The following PDILT variants were observed in gnomAD, a reference collection of about 807,000 sequenced individuals.
PDILT encodes the protein protein disulfide-isomerase-like protein of the testis.
Under a neutral mutation model 53.7 loss-of-function variants are expected in PDILT, and 43 were observed. That is an observed-to-expected ratio of 0.80 (90% CI 0.63 to 1.03). PDILT has a LOEUF of 1.03. Among genes scored for constraint, PDILT ranks in the 50% least tolerant of loss-of-function variants. The probability of loss-of-function intolerance (pLI) is 0.00; values close to 1 mark genes in which losing one functional copy is unlikely to be tolerated. For synonymous variants in PDILT, 282 were observed against 274.2 expected, an observed-to-expected ratio of 1.03 and a Z score of -0.28; for missense variants, 727 against 712.3, an observed-to-expected ratio of 1.02 and a Z score of -0.24.
rs540526043 is a variant in PDILT at position 20,402,361 on chromosome 16, C to T, written c.-8+2135G>A. Reference sequence around the variant, plus strand: ...TCGCCCAGGCTGCAATGCAGTGGCGCGATCTCGGCTCTCTGCAACCTGCGT... The same window carrying T: ...TCGCCCAGGCTGCAATGCAGTGGCGTGATCTCGGCTCTCTGCAACCTGCGT... On this transcript the variant is annotated intron_variant, in intron 1 of 11. Transcript: ENST00000302451. Among the ~76,000 whole-genome samples the T allele has an allele frequency of 5.3e-5, 8 of 150,362 alleles. No homozygotes were observed. In the South Asian group the frequency reaches 6.3e-4, roughly 12 times the overall value.
rs988313494 is a variant in PDILT at position 20,363,781 on chromosome 16, A to T, written c.1238-1199T>A. Reference sequence around the variant, plus strand: ...GAGGAGAACATCCCCAAGAAGTGTGACAGGTATAATTACTCTTGGACAGGG... The same window carrying T: ...GAGGAGAACATCCCCAAGAAGTGTGTCAGGTATAATTACTCTTGGACAGGG... On this transcript the variant is annotated intron_variant, in intron 9 of 11. Transcript: ENST00000302451. Among the ~76,000 whole-genome samples the T allele has an allele frequency of 2.0e-5, 3 of 152,138 alleles. No individual in the cohort carries two copies. In the East Asian group the frequency reaches 5.8e-4, roughly 29 times the overall value.
chr16:20,399,204 T>C lies in PDILT; in HGVS notation c.97A>G (p.Ile33Val), dbSNP rs755543935. The C allele has an allele frequency of 9.3e-6, 15 of 1,614,062 alleles. No homozygotes were observed. In the East Asian group the frequency reaches 2.7e-4, roughly 29 times the overall value. ...TCCAGGATGTGCACAGGCTTGGTTA[T>C]GTGGATGCTGGAAACACCGGCGTTA... ...EVNAGVSSIH[I>V]TKPVHILEER... Residue 33 changes from isoleucine (I) to valine (V), a missense_variant, in exon 2 of 12, where the codon ATA becomes GTA. Transcript: ENST00000302451.
intron 2 of PDILT, among the ~76,000 whole-genome samples, chr16:20,391,936 C>T (rs780877331): frequency 2.0e-5 from 3 of 151,380 alleles, no homozygotes; most frequent in Non-Finnish European, 4.4e-5. Context: ...GAGGCTGTAG[C>T]TGTGGGCTAG....
chr16:20,362,655 C>A (rs2141699059), intron 9 of PDILT, 73 bp from the exon 10 acceptor site: 1 of 1,445,030 alleles, frequency 6.9e-7, no homozygotes, highest in Admixed American at 1.8e-5. Flanking sequence ...CTACACATGG[C>A]ATCGCTGTGT....
intron 3 of PDILT, 99 bp from the exon 4 acceptor site, chr16:20,376,300 T>C: frequency 6.9e-7 from 1 of 1,446,514 alleles, no homozygotes; most frequent in Non-Finnish European, 9.3e-7. Flanking sequence ...AACCTTCTTG[T>C]CTCAGGCTCC....
intron 2 of PDILT, among the ~76,000 whole-genome samples, chr16:20,397,682 T>C (rs1431069274): frequency 6.6e-6 from 1 of 152,084 alleles, no homozygotes; most frequent in African/African-American, 2.4e-5. Flanking sequence ...GAAAGGGCTG[T>C]CTCAGAACAA....
intron 3 of PDILT, among the ~76,000 whole-genome samples, chr16:20,379,712 G>A (rs888427888): frequency 1.3e-5 from 2 of 152,214 alleles, no homozygotes; most frequent in African/African-American, 4.8e-5. Flanking sequence ...GGTCATAGCA[G>A]ATGCCATGTT....
chr16:20,395,377 C>A (rs1596597992), intron 2 of PDILT, among the ~76,000 whole-genome samples: 1 of 152,040 alleles, frequency 6.6e-6, no homozygotes, highest in East Asian at 1.9e-4. Flanking sequence ...GTATTTTATC[C>A]CTTTGTTGTT....
intron 1 of PDILT, among the ~76,000 whole-genome samples, chr16:20,401,327 T>C (rs952330068): frequency 1.3e-5 from 2 of 152,240 alleles, no homozygotes; most frequent in Admixed American, 1.3e-4. Context: ...CTTCCTTGTT[T>C]ATTTGTTCTT....
chr16:20,360,196 G>A (rs977017674), intron 11 of PDILT, among the ~76,000 whole-genome samples: 1 of 152,178 alleles, frequency 6.6e-6, no homozygotes, highest in Non-Finnish European at 1.5e-5. Context: ...GTCCAGCAGA[G>A]GGCCTCACTG....
intron 4 of PDILT, among the ~76,000 whole-genome samples, chr16:20,375,290 T>A (rs1331238558): frequency 1.3e-5 from 2 of 152,216 alleles, no homozygotes; most frequent in Non-Finnish European, 2.9e-5. Context: ...TTTTACCACA[T>A]GTAATACAAA....
At chr16:20,393,521 G>T (rs1266331267) in intron 2 of PDILT, among the ~76,000 whole-genome samples, 1 of 152,214 alleles carries the variant, frequency 6.6e-6, no homozygotes, top group African/African-American at 2.4e-5. Context: ...AGAAAAAGAA[G>T]GTGATTCATG....
At position 20,360,677 on chromosome 16, in the gene PDILT, G is replaced by A; in HGVS notation, c.1417-20C>T. 6.5e-7 allele frequency: 1 copy of A among 1,546,628 alleles called. No individual in the cohort carries two copies. Among genetic ancestry groups the A allele is most frequent in the African/African-American group, 1.4e-5 (1 of 73,506 alleles). The stretch of plus-strand genomic sequence containing the variant: ...GACAGCCTAGGATGAAAATGGAACA[G>A]GGTCAGGATGGGATCCTCTTCCCGC... On this transcript the variant is annotated intron_variant, in intron 10 of 11. Coordinates refer to ENST00000302451, the MANE Select transcript of PDILT (RefSeq NM_174924.2).
At chr16:20,372,076 A>C (rs898733894) in intron 7 of PDILT, among the ~76,000 whole-genome samples, 5 of 152,214 alleles carry the variant, frequency 3.3e-5, no homozygotes, top group Non-Finnish European at 7.3e-5. Flanking sequence ...AGAAAAATTA[A>C]TCAACTAGCT....
At position 20,362,277 on chromosome 16, in the gene PDILT, T is replaced by C. The variant is rs1009042476; in HGVS notation, c.1416+127A>G. The C allele has an allele frequency of 1.1e-4, 108 of 960,238 alleles. No homozygotes were observed. In the South Asian group the frequency reaches 1.7e-3, roughly 15 times the overall value. 59.5% of individuals were successfully genotyped at this position (960,238 alleles called of 1,614,324 possible). On this transcript the variant is annotated intron_variant, in intron 10 of 11. Transcript: ENST00000302451. ...ATCTTTGAACTTGAATGTGAGAGGA[T>C]GGATAGTGGCTACAGCTGAGAATAA...
intron 8 of PDILT, among the ~76,000 whole-genome samples, chr16:20,369,170 A>G (rs1163083125): frequency 6.6e-6 from 1 of 152,198 alleles, no homozygotes; most frequent in East Asian, 1.9e-4. Flanking sequence ...GATCTTTCAC[A>G]TTGGAGGTGA....
At chr16:20,376,227 T>C (rs1435795016) in intron 3 of PDILT, 26 bp from the exon 4 acceptor site, 4 of 1,612,748 alleles carry the variant, frequency 2.5e-6, no homozygotes, top group East Asian at 2.2e-5. Context: ...GTCAAATAGA[T>C]ACCAGAGAAG....
At chr16:20,372,342 G>T (rs1415881706) in intron 7 of PDILT, among the ~76,000 whole-genome samples, 4 of 152,224 alleles carry the variant, frequency 2.6e-5, no homozygotes, top group Admixed American at 2.0e-4. Flanking sequence ...TCTGCACAAT[G>T]TTAAAGCCCA....
At chr16:20,367,075 C>G (rs1308062514) in intron 8 of PDILT, among the ~76,000 whole-genome samples, 2 of 121,674 alleles carry the variant, frequency 1.6e-5, no homozygotes, top group East Asian at 4.4e-4. Flanking sequence ...TTCTTTCTTT[C>G]TTTCTTTCTT....
Sources: gnomAD v4.1 joint callset for allele counts (sites outside exome capture counted in the v4.1 genomes callset) on GRCh38, gnomAD v4.1.1 for gene constraint, MANE v1.5 for transcripts, NCBI Gene and HGNC (gene_info 2026-07-23, HGNC 2026-07-21) for gene names.